The following FAM98B variants were observed in gnomAD, a reference collection of about 807,000 sequenced individuals.
The protein encoded by FAM98B is tRNA-splicing ligase complex subunit FAM98B.
Under a neutral mutation model 43.9 loss-of-function variants are expected in FAM98B, and 32 were observed. That is an observed-to-expected ratio of 0.73 (90% CI 0.55 to 0.98). The LOEUF is 0.98. Ranked by LOEUF, FAM98B falls within the 50% of genes least tolerant of loss-of-function variation. The pLI, the probability that FAM98B is intolerant of heterozygous loss-of-function variation, is 0.00. For synonymous variants in FAM98B, 190 were observed against 174.0 expected, an observed-to-expected ratio of 1.09 and a Z score of -0.72; for missense variants, 514 against 522.9, an observed-to-expected ratio of 0.98 and a Z score of 0.17.
intron 1 of FAM98B, among the ~76,000 whole-genome samples, chr15:38,456,397 A>G (rs1450737324): frequency 6.6e-6 from 1 of 152,348 alleles, no homozygotes; most frequent in South Asian, 2.1e-4. Context: ...ACAGACCTGC[A>G]TATTTTTAAA....
rs1269029424 is a variant in FAM98B at position 38,485,827 on chromosome 15, T to G, written c.*1168T>G. ...TACAGAGGGCCTATTTTGAATGCTT[T>G]AAGATGTAGGCCAAGTAATGTATTT... is the stretch of plus-strand genomic sequence containing the variant. On this transcript the variant is annotated 3_prime_UTR_variant, in exon 8 of 8. Transcript: ENST00000397609. 6.6e-6 allele frequency: 1 copy of G among 152,070 alleles called. No homozygotes were observed. The highest frequency in any genetic ancestry group is 1.5e-5 in the Non-Finnish European group (1 of 67,990). The allele number at this position is 152,070 out of a possible 1,614,324, so 9.4% of individuals were successfully genotyped here.
chr15:38,481,799 T>G (rs1381032299), intron 7 of FAM98B: 1 of 538,708 alleles, frequency 1.9e-6, no homozygotes, highest in Non-Finnish European at 3.1e-6. Flanking sequence ...ATTCGTTATA[T>G]CCTTGGTGTA....
At position 38,454,203 on chromosome 15, in the gene FAM98B, A is replaced by G. The variant is rs747567289; in HGVS notation, c.42A>G (p.Gly14=). 3 of 1,604,488 alleles carry G rather than the reference A, an allele frequency of 1.9e-6. No individual in the cohort carries two copies. The Middle Eastern group carries it at 5.0e-4, about 265-fold the overall frequency. ...CGGGTCCCCAACCGACGATGGAGGG[A>G]GACGTGCTGGACACACTGGAGGCGC... ...PEPGPQPTME[G]DVLDTLEALG... The change falls in exon 1 of 8, where the codon GGA becomes GGG. Residue 14 remains glycine, a synonymous_variant. Coordinates refer to ENST00000397609, the MANE Select transcript of FAM98B (RefSeq NM_173611.4).
In FAM98B at chr15:38,486,067, G is replaced by T. The variant is rs1890366265; in HGVS notation, c.*1408G>T. Reference sequence around the variant, plus strand: ...AGGTTTTTTTGTTGTTATTTTTTTGGTAAACTCTGTGGTAAAATCTAAAAT... The same window carrying T: ...AGGTTTTTTTGTTGTTATTTTTTTGTTAAACTCTGTGGTAAAATCTAAAAT... On this transcript the variant is annotated 3_prime_UTR_variant, in exon 8 of 8. Coordinates refer to ENST00000397609, the MANE Select transcript of FAM98B (RefSeq NM_173611.4). 1 of 151,960 alleles carries T rather than the reference G, an allele frequency of 6.6e-6. No homozygotes were observed. Among genetic ancestry groups the T allele is most frequent in the African/African-American group, 2.4e-5 (1 of 41,398 alleles). 9.4% of individuals were successfully genotyped at this position (151,960 alleles called of 1,614,324 possible).
intron 3 of FAM98B, among the ~76,000 whole-genome samples, chr15:38,465,976 G>C (rs1946491819): frequency 6.6e-6 from 1 of 151,902 alleles, no homozygotes; most frequent in Non-Finnish European, 1.5e-5. Flanking sequence ...TTTGTGTTGG[G>C]TTCCTTTCAT....
rs569455316 is a variant in FAM98B, at chr15:38,457,957, C to CTT, written c.71+3741_71+3742dup. 3.9e-4 allele frequency among the ~76,000 whole-genome samples: 54 copies of CTT among 138,192 alleles called. No homozygotes were observed. In the East Asian group the frequency reaches 8.5e-3, roughly 22 times the overall value. The allele number at this position is 138,192 out of a possible 152,430, so 90.7% of individuals were successfully genotyped here. On this transcript the variant is annotated intron_variant, in intron 1 of 7. Transcript: ENST00000397609. ...AGAGATGGTAGGAATAACAATCTTA[C>CTT]TTTTTTTTTTTTTTTTTAAGAAAGA...
intron 1 of FAM98B, among the ~76,000 whole-genome samples, chr15:38,455,819 A>G (rs1219674953): frequency 6.6e-6 from 1 of 152,216 alleles, no homozygotes; most frequent in Non-Finnish European, 1.5e-5. Flanking sequence ...ATTCATTGCT[A>G]TAATCTTGAT....
At chr15:38,483,998 T>G (rs1007923041) in intron 7 of FAM98B, among the ~76,000 whole-genome samples, 1 of 151,974 alleles carries the variant, frequency 6.6e-6, no homozygotes, top group Admixed American at 6.5e-5. Context: ...TGAAACTATA[T>G]ATTAACTACA....
In FAM98B at chr15:38,464,140, A is replaced by G; in HGVS notation, c.180A>G (p.Lys60=). 1.2e-6 allele frequency: 2 copies of G among 1,613,246 alleles called. No individual in the cohort carries two copies. Among genetic ancestry groups the G allele is most frequent in the Non-Finnish European group, 1.7e-6 (2 of 1,179,606 alleles). ...ELCIWLGSQI[K]SLCNLEESIT... is the part of the protein sequence containing the mutation. ...GTATTTGGTTAGGCTCTCAAATAAA[A>G]TCATTATGCAACTTGGAAGAAAGTA... is the stretch of plus-strand genomic sequence containing the variant. Residue 60 remains lysine (K), a synonymous_variant, in exon 2 of 8, where the codon AAA becomes AAG. Transcript: ENST00000397609.
chr15:38,458,883 G>T (rs79475485), intron 1 of FAM98B: 1 of 446,852 alleles, frequency 2.2e-6, no homozygotes, highest in Non-Finnish European at 4.4e-6. Flanking sequence ...GCATTCTCTG[G>T]GTGGAAGATG....
At chr15:38,474,370 A>G in intron 6 of FAM98B, 72 bp downstream of exon 6, 1 of 967,214 alleles carries the variant, frequency 1.0e-6, no homozygotes, top group Non-Finnish European at 1.6e-6. Context: ...CTTGTCTGTT[A>G]TGTAACCATG....
chr15:38,464,340 T>C (rs912458880), intron 2 of FAM98B, among the ~76,000 whole-genome samples, 163 bp downstream of exon 2: 3 of 152,222 alleles, frequency 2.0e-5, no homozygotes, highest in African/African-American at 7.2e-5. Context: ...TTTATATTAA[T>C]CCAGAATTGA....
intron 4 of FAM98B, among the ~76,000 whole-genome samples, chr15:38,471,390 T>G (rs1177631023): frequency 6.6e-6 from 1 of 152,116 alleles, no homozygotes; most frequent in East Asian, 1.9e-4. Flanking sequence ...CTTCAGAATT[T>G]TTTTCTGTTT....
At position 38,484,507 on chromosome 15, in the gene FAM98B, AGAG is replaced by A. The variant is rs1298311461; in HGVS notation, c.1155_1157del (p.Gly386del). ...GTGGGGGGGAGGAGGAGGAGGTGGTAGAGGAGGTTTCCAAGGCAGGGGAGATTA... is the reference window on the plus strand; with the variant it reads ...GTGGGGGGGAGGAGGAGGAGGTGGTAGAGGTTTCCAAGGCAGGGGAGATTA... On this transcript the variant is annotated inframe_deletion, in exon 8 of 8. Coordinates refer to ENST00000397609, the MANE Select transcript of FAM98B (RefSeq NM_173611.4). 1 of 1,278,366 alleles carries A rather than the reference AGAG, an allele frequency of 7.8e-7. No individual in the cohort carries two copies. Among genetic ancestry groups the A allele is most frequent in the Non-Finnish European group, 9.8e-7 (1 of 1,015,694 alleles). 79.2% of individuals were successfully genotyped at this position (1,278,366 alleles called of 1,614,324 possible). A position where few individuals can be genotyped will look rare whatever the true frequency, so the allele number is the denominator to read the frequency against.
At chr15:38,464,750 T>C (rs892526613) in intron 2 of FAM98B, among the ~76,000 whole-genome samples, 1 of 152,192 alleles carries the variant, frequency 6.6e-6, no homozygotes, top group Non-Finnish European at 1.5e-5. Context: ...TTCACAAAAG[T>C]AGCTTTTTCT....
At chr15:38,477,254 G>A (rs532812794) in intron 6 of FAM98B, among the ~76,000 whole-genome samples, 71 of 115,078 alleles carry the variant, frequency 6.2e-4, no homozygotes, top group Non-Finnish European at 1.2e-3. Context: ...TAATGCCAAC[G>A]TGTAGTCTTT....
intron 1 of FAM98B, among the ~76,000 whole-genome samples, chr15:38,460,307 A>G (rs1018758666): frequency 6.6e-6 from 1 of 152,240 alleles, no homozygotes; most frequent in Non-Finnish European, 1.5e-5. Flanking sequence ...AAATGTGGTA[A>G]ACACTAAACA....
At chr15:38,465,514 TATTTTACTTAAA>T in intron 3 of FAM98B, 111 bp downstream of exon 3, 1 of 1,003,798 alleles carries the variant, frequency 1.0e-6, no homozygotes, top group Non-Finnish European at 1.4e-6. Flanking sequence ...AGGGTTTTAA[TATTTTACTTAAA>T]ATACAAAGCT....
In FAM98B at chr15:38,464,262, C is replaced by T. The variant is rs114916891; in HGVS notation, c.217+85C>T. 501 of 1,298,986 alleles carry T rather than the reference C, an allele frequency of 3.9e-4. 1 individual carries two copies. The African/African-American group carries it at 6.7e-3, about 17-fold the overall frequency. The allele number at this position is 1,298,986 out of a possible 1,614,324, so 80.5% of individuals were successfully genotyped here. On this transcript the variant is annotated intron_variant, in intron 2 of 7. Transcript: ENST00000397609. ...TATAGTTTTATCAATAATGTGCCCA[C>T]TGTACAAAGAAAAATCACATATTCC...
Sources: gnomAD v4.1 joint callset for allele counts (sites outside exome capture counted in the v4.1 genomes callset) on GRCh38, gnomAD v4.1.1 for gene constraint, MANE v1.5 for transcripts, NCBI Gene and HGNC (gene_info 2026-07-23, HGNC 2026-07-21) for gene names.